Variants in FIBCD1 observed in about 807,000 individuals in gnomAD.
FIBCD1 encodes the protein fibrinogen C domain-containing protein 1.
FIBCD1 carries 47 observed loss-of-function variants against 45.1 expected under a neutral mutation model. That is an observed-to-expected ratio of 1.04 (90% CI 0.82 to 1.33). FIBCD1 has a LOEUF of 1.33. Ranked by LOEUF, FIBCD1 falls within the 40% of genes most tolerant of loss-of-function variation. The probability of loss-of-function intolerance (pLI) is 0.00; values close to 1 mark genes in which losing one functional copy is unlikely to be tolerated. For synonymous variants in FIBCD1, 313 were observed against 308.1 expected, an observed-to-expected ratio of 1.02 and a Z score of -0.17; for missense variants, 653 against 682.2, an observed-to-expected ratio of 0.96 and a Z score of 0.48.
At chr9:130,908,943 TG>T (rs2133070992) in intron 5 of FIBCD1, among the ~76,000 whole-genome samples, 1 of 152,154 alleles carries the variant, frequency 6.6e-6, no homozygotes, top group African/African-American at 2.4e-5. Flanking sequence ...ACCCTGCCTT[TG>T]GGGCCCCCGA....
Position 130,938,672 on chromosome 9 carries a change from G to A in FIBCD1, c.-65C>T. ...CGCTGCGGAGCGCAAAGGAGACGGG[G>A]TGGGCGCGGGCGCGGGCGCGGGGCG... On this transcript the variant is annotated 5_prime_UTR_variant, in exon 1 of 7. Coordinates refer to ENST00000372338, the MANE Select transcript of FIBCD1 (RefSeq NM_032843.5). 1 of 1,132,740 alleles carries A rather than the reference G, an allele frequency of 8.8e-7. No homozygotes were observed. 70.2% of individuals were successfully genotyped at this position (1,132,740 alleles called of 1,614,324 possible). A position where few individuals can be genotyped will look rare whatever the true frequency, so the allele number is the denominator to read the frequency against.
chr9:130,911,648 G>A, intron 5 of FIBCD1, 144 bp downstream of exon 5: 1 of 670,490 alleles, frequency 1.5e-6, no homozygotes, highest in South Asian at 1.8e-5. Context: ...TCACCTTCAT[G>A]CATGACACCT....
At chr9:130,940,000 A>C (rs1372727943), upstream of FIBCD1, among the ~76,000 whole-genome samples, 3 of 147,454 alleles carry the variant, frequency 2.0e-5, no homozygotes, top group Non-Finnish European at 4.5e-5. Context: ...AGCTCCAGAC[A>C]GACCCCCGTT....
Position 130,923,763 on chromosome 9 carries a change from G to A in FIBCD1, c.830C>T (p.Thr277Met), listed in dbSNP as rs749509642. The A allele has an allele frequency of 1.8e-5, 29 of 1,612,416 alleles. No individual in the cohort carries two copies. Among genetic ancestry groups the A allele is most frequent in the Non-Finnish European group, 2.3e-5 (27 of 1,179,918 alleles). The change falls in exon 4 of 7, where the codon ACG (threonine) becomes ATG (methionine). Residue 277 changes from threonine (T) to methionine (M), a missense_variant. Transcript: ENST00000372338. Reference protein sequence around the residue: ...AGFQVYCDMRTDGGGWTVFQR... With the variant: ...AGFQVYCDMRMDGGGWTVFQR... ...ACTCACCGTCCAGCCGCCGCCGTCC[G>A]TGCGCATGTCACAGTACACCTGGAA...
Position 130,903,673 on chromosome 9 carries a change from T to G in FIBCD1, c.*391A>C, listed in dbSNP as rs1463896263. The G allele has an allele frequency of 1.7e-5, 6 of 361,162 alleles. No individual in the cohort carries two copies. Among genetic ancestry groups the G allele is most frequent in the African/African-American group, 1.3e-4 (6 of 47,566 alleles). 22.4% of individuals were successfully genotyped at this position (361,162 alleles called of 1,614,324 possible). ...CTAGGAGGACTCCAGGGGTGCTGTC[T>G]GCCCCCTGCTCTCTGTCCCCATAAT... On this transcript the variant is annotated 3_prime_UTR_variant, in exon 7 of 7. Coordinates refer to ENST00000372338, the MANE Select transcript of FIBCD1 (RefSeq NM_032843.5).
Position 130,938,602 on chromosome 9 carries a change from G to C in FIBCD1, c.6C>G (p.Val2=). Residue 2 remains valine, a synonymous_variant, in exon 1 of 7, where the codon GTC becomes GTG. Coordinates refer to ENST00000372338, the MANE Select transcript of FIBCD1 (RefSeq NM_032843.5). ...CGCCCATGGTCTTCCACCGGTCGTT[G>C]ACCATCTTCCGGCAGGACTGGCGGG... M[V]NDRWKTMGGA... 1.4e-6 allele frequency: 2 copies of C among 1,463,328 alleles called. No homozygotes were observed. The highest frequency in any genetic ancestry group is 1.8e-6 in the Non-Finnish European group (2 of 1,109,328). 90.6% of individuals were successfully genotyped at this position (1,463,328 alleles called of 1,614,324 possible). A position where few individuals can be genotyped will look rare whatever the true frequency, so the allele number is the denominator to read the frequency against.
intron 4 of FIBCD1, among the ~76,000 whole-genome samples, chr9:130,916,221 G>A (rs184970676): frequency 4.8e-4 from 73 of 152,300 alleles, no homozygotes; most frequent in Non-Finnish European, 8.1e-4. Context: ...GAGCCACCGC[G>A]CCCAGCCTTA....
intron 1 of FIBCD1, chr9:130,936,266 G>T (rs1434893908): frequency 1.3e-5 from 2 of 152,400 alleles, no homozygotes; most frequent in Middle Eastern, 3.2e-3. Context: ...AGGGAGGAGA[G>T]AAGGCTGGCC....
chr9:130,939,629 G>C (rs1047276877), upstream of FIBCD1, among the ~76,000 whole-genome samples: 1 of 151,942 alleles, frequency 6.6e-6, no homozygotes, highest in African/African-American at 2.4e-5. Flanking sequence ...CTGTGGTCGC[G>C]AGTACCAGCC....
intron 4 of FIBCD1, among the ~76,000 whole-genome samples, chr9:130,921,417 G>C (rs1223800361): frequency 6.6e-6 from 1 of 152,222 alleles, no homozygotes; most frequent in Non-Finnish European, 1.5e-5. Context: ...GCTTCTGATG[G>C]AGGCCCAAAT....
intron 2 of FIBCD1, among the ~76,000 whole-genome samples, chr9:130,925,680 CGCCTCTGCCTGTGTTGAGT>C (rs942939527): frequency 1.3e-5 from 2 of 152,182 alleles, no homozygotes; most frequent in African/African-American, 4.8e-5. Flanking sequence ...TGTCCCCCAG[CGCCTCTGCCTGTGTTGAGT>C]GCCTGAAGGG....
At position 130,938,708 on chromosome 9, in the gene FIBCD1, G is replaced by C; in HGVS notation, c.-101C>G. 1.5e-6 allele frequency: 1 copy of C among 688,984 alleles called. No homozygotes were observed. The highest frequency in any genetic ancestry group is 1.9e-6 in the Non-Finnish European group (1 of 528,452). The allele number at this position is 688,984 out of a possible 1,614,324, so 42.7% of individuals were successfully genotyped here. ...CGCGGGCGCGGGGCGCGCTCTGTCC[G>C]CCGGGTCCCCGCCTCTGTGCCCCGC... On this transcript the variant is annotated 5_prime_UTR_variant, in exon 1 of 7. Transcript: ENST00000372338.
rs891495184 is a variant in FIBCD1 at position 130,922,331 on chromosome 9, G to A, written c.849+1413C>T. Among the ~76,000 whole-genome samples, 4 of 152,146 alleles carry A rather than the reference G, an allele frequency of 2.6e-5. No individual in the cohort carries two copies. Among genetic ancestry groups the A allele is most frequent in the East Asian group, 1.9e-4 (1 of 5,190 alleles). ...CTAAGCAGGCCTGACTGGCATCGCC[G>A]GCCTCCCAGTCTCTCTCCAGCACAC... On this transcript the variant is annotated intron_variant, in intron 4 of 6. Transcript: ENST00000372338. The surrounding 1 kb of genome is among the most constrained non-coding windows in gnomAD (Gnocchi z 4.5).
chr9:130,917,506 G>T (rs146671373), intron 4 of FIBCD1, among the ~76,000 whole-genome samples: 1 of 152,226 alleles, frequency 6.6e-6, no homozygotes, highest in Non-Finnish European at 1.5e-5. Flanking sequence ...AGCAGCCACC[G>T]ACGGCCCTGT....
At chr9:130,925,357 C>T (rs1832341215) in intron 2 of FIBCD1, among the ~76,000 whole-genome samples, 1 of 152,082 alleles carries the variant, frequency 6.6e-6, no homozygotes, top group Non-Finnish European at 1.5e-5. Flanking sequence ...GAAAGGGGCC[C>T]GGGGCTGTGT....
chr9:130,910,179 C>T (rs1437381279), intron 5 of FIBCD1, among the ~76,000 whole-genome samples: 1 of 152,228 alleles, frequency 6.6e-6, no homozygotes, highest in Non-Finnish European at 1.5e-5. Flanking sequence ...GCTGGAGTTC[C>T]AGGTGGGCAT....
intron 4 of FIBCD1, among the ~76,000 whole-genome samples, chr9:130,916,968 G>C (rs1454649968): frequency 2.6e-5 from 4 of 151,978 alleles, no homozygotes; most frequent in South Asian, 4.1e-4. Context: ...TGTGGTGGCA[G>C]GCGCCTTTAA....
chr9:130,930,116 C>A, intron 1 of FIBCD1, 70 bp from the exon 2 acceptor site: 1 of 1,454,516 alleles, frequency 6.9e-7, no homozygotes, highest in Non-Finnish European at 9.0e-7. Flanking sequence ...GCATTAGAGG[C>A]ATACCTGGGG....
At chr9:130,908,492 T>C (rs1190521979) in intron 5 of FIBCD1, among the ~76,000 whole-genome samples, 1 of 152,160 alleles carries the variant, frequency 6.6e-6, no homozygotes, top group Admixed American at 6.5e-5. Context: ...GGTCTCCCCA[T>C]CTCCCCTCCT....
Sources: gnomAD v4.1 joint callset for allele counts (sites outside exome capture counted in the v4.1 genomes callset) on GRCh38, gnomAD v4.1.1 for gene constraint, Gnocchi (gnomAD v3.1) non-coding constraint, MANE v1.5 for transcripts, NCBI Gene and HGNC (gene_info 2026-07-23, HGNC 2026-07-21) for gene names.